Variants in ANK1 observed in about 807,000 individuals in gnomAD.
The protein encoded by ANK1 is ankyrin 1, also known as ankyrin-1.
Under a neutral mutation model 210.4 loss-of-function variants are expected in ANK1, and 51 were observed. That is an observed-to-expected ratio of 0.24 (90% CI 0.19 to 0.31). The LOEUF is 0.31. ANK1 is among the 10% of genes least tolerant of loss of function. ANK1 has a pLI of 1.00. For missense variants in ANK1, 2,051 were observed against 2,504.4 expected (o/e 0.82, Z 3.86); for synonymous variants, 967 against 1,025.9 (o/e 0.94, Z 1.10).
intron 1 of ANK1, among the ~76,000 whole-genome samples, chr8:41,850,593 G>T (rs533525057): frequency 6.6e-6 from 1 of 152,258 alleles, no homozygotes; most frequent in African/African-American, 2.4e-5. Context: ...TGATCCTCCC[G>T]CCTTAGCCTC....
At chr8:41,672,125 G>T (rs112430372) in intron 38 of ANK1, among the ~76,000 whole-genome samples, 3 of 152,306 alleles carry the variant, frequency 2.0e-5, no homozygotes, top group Admixed American at 6.5e-5. Flanking sequence ...GCTCCTCGGG[G>T]TCTCTCCTGC....
In ANK1 at chr8:41,684,663, C is replaced by T. The variant is rs1277418441; in HGVS notation, c.4418G>A (p.Ser1473Asn). 2.5e-6 allele frequency: 4 copies of T among 1,613,672 alleles called. No homozygotes were observed. The highest frequency in any genetic ancestry group is 1.7e-5 in the Admixed American group (1 of 60,004). Residue 1473 changes from serine (S) to asparagine (N), a missense_variant, in exon 37 of 43, where the codon AGC (serine) becomes AAC (asparagine). Transcript: ENST00000289734. ...GTTCACGATCTCGCCACGGTCAATG[C>T]TCTGCAGGGCTGTGTACAGATTCTC... ...NMENLYTALQ[S>N]IDRGEIVNML...
intron 1 of ANK1, among the ~76,000 whole-genome samples, chr8:41,838,128 T>A (rs923037928): frequency 2.6e-5 from 4 of 152,192 alleles, no homozygotes; most frequent in Admixed American, 6.5e-5. Context: ...ATTGAGCATT[T>A]TACATGCTCC....
chr8:41,741,319 G>A (rs1401080071), intron 2 of ANK1, among the ~76,000 whole-genome samples: 1 of 152,130 alleles, frequency 6.6e-6, no homozygotes, highest in Non-Finnish European at 1.5e-5. Flanking sequence ...CCTGGCTGTC[G>A]AGGGGGCCTC....
At position 41,695,350 on chromosome 8, in the gene ANK1, G is replaced by T. The variant is rs376626462; in HGVS notation, c.2961-19C>A. On this transcript the variant is annotated intron_variant, in intron 26 of 42. Coordinates refer to ENST00000289734, the MANE Select transcript of ANK1 (RefSeq NM_000037.4). ...TACAGGGCTGAGGCAAGGACACAGT[G>T]GTGGTGGGGAGGTGCTCATACAAGG... is the stretch of plus-strand genomic sequence containing the variant. 3.5e-5 allele frequency: 57 copies of T among 1,613,720 alleles called. No homozygotes were observed. The African/African-American group carries it at 6.8e-4, about 19-fold the overall frequency.
chr8:41,674,630 A>T (rs1813576624), intron 37 of ANK1, among the ~76,000 whole-genome samples: 1 of 152,168 alleles, frequency 6.6e-6, no homozygotes, highest in African/African-American at 2.4e-5. Flanking sequence ...AATTGCTAAC[A>T]TGTACCTGTG....
chr8:41,747,523 C>T (rs1836485013), intron 2 of ANK1, among the ~76,000 whole-genome samples: 1 of 152,142 alleles, frequency 6.6e-6, no homozygotes, highest in African/African-American at 2.4e-5. Flanking sequence ...ATCCCAAAGG[C>T]CTGAATTCTT....
At chr8:41,730,484 T>TTTG (rs1831914573) in intron 3 of ANK1, among the ~76,000 whole-genome samples, 1 of 151,588 alleles carries the variant, frequency 6.6e-6, no homozygotes, top group East Asian at 1.9e-4. Flanking sequence ...ATAAAGCCTG[T>TTTG]TTATGTTTTG....
At chr8:41,703,437 TATATATATATATA>T (rs1330947863) in intron 20 of ANK1, among the ~76,000 whole-genome samples, 1 of 71,694 alleles carries the variant, frequency 1.4e-5, no homozygotes, top group Non-Finnish European at 2.7e-5. Context: ...TATATATATA[TATATATATATATA>T]TTTTTTTTTT....
chr8:41,704,047 G>T lies in ANK1; in HGVS notation c.2289C>A (p.Val763=). ...LLKNGASPNE[V]SSDGTTPLAI... ...GGAGAGAGAGTGTACTCACCGAGCTGACCTCGTTTGGGGAAGCACCGTTTT... is the reference window on the plus strand; with the variant it reads ...GGAGAGAGAGTGTACTCACCGAGCTTACCTCGTTTGGGGAAGCACCGTTTT... The change falls in exon 20 of 43, where the codon GTC becomes GTA. Residue 763 remains valine (V), a synonymous_variant. Transcript: ENST00000289734. This position sits in a 1 kb window ranked among gnomAD's most constrained non-coding sequence, Gnocchi z 4.1. 1 of 1,613,976 alleles carries T rather than the reference G, an allele frequency of 6.2e-7. No individual in the cohort carries two copies. The highest frequency in any genetic ancestry group is 1.1e-5 in the South Asian group (1 of 91,052).
chr8:41,762,920 G>T (rs1166923122), intron 1 of ANK1, among the ~76,000 whole-genome samples: 2 of 152,294 alleles, frequency 1.3e-5, no homozygotes, highest in Admixed American at 1.3e-4. Context: ...AAGAAAAGAA[G>T]AATATTTATG....
At chr8:41,845,088 A>C (rs566968077) in intron 1 of ANK1, among the ~76,000 whole-genome samples, 2 of 152,242 alleles carry the variant, frequency 1.3e-5, no homozygotes, top group East Asian at 3.9e-4. Flanking sequence ...ATGTCACACA[A>C]AGACGTGAAT....
At chr8:41,670,777 C>T (rs1006670662) in intron 38 of ANK1, among the ~76,000 whole-genome samples, 2 of 152,190 alleles carry the variant, frequency 1.3e-5, no homozygotes, top group African/African-American at 4.8e-5. Flanking sequence ...GAACAGCTTT[C>T]CTTTACCTGA....
chr8:41,683,218 C>T (rs764357642), intron 37 of ANK1, among the ~76,000 whole-genome samples: 5 of 152,118 alleles, frequency 3.3e-5, no homozygotes, highest in African/African-American at 4.8e-5. Flanking sequence ...CTGCGCCTGC[C>T]GAAATGGGGA....
chr8:41,694,088 C>A lies in ANK1; in HGVS notation c.3342G>T (p.Pro1114=), dbSNP rs374102892. 30 of 1,613,772 alleles carry A rather than the reference C, an allele frequency of 1.9e-5. No homozygotes were observed. In the East Asian group the frequency reaches 4.7e-4, roughly 25 times the overall value. ...CCAGGAGCTTAGTGACAAGCTCATC[C>A]GGGACAGGCTGGGCCTGTGAAATGA... ...VKLALQAQPV[P]DELVTKLLGN... The change falls in exon 29 of 43, where the codon CCG becomes CCT. Residue 1114 remains proline (P), a synonymous_variant. Coordinates refer to ENST00000289734, the MANE Select transcript of ANK1 (RefSeq NM_000037.4). The surrounding 1 kb of genome is among the most constrained non-coding windows in gnomAD (Gnocchi z 5.7).
intron 37 of ANK1, among the ~76,000 whole-genome samples, chr8:41,684,273 A>C (rs929314101): frequency 1.1e-4 from 17 of 152,224 alleles, no homozygotes; most frequent in African/African-American, 4.1e-4. Flanking sequence ...GTGGGGACGC[A>C]GTTGCTGATG....
chr8:41,881,526 T>C (rs1563958272), intron 1 of ANK1, among the ~76,000 whole-genome samples: 1 of 152,244 alleles, frequency 6.6e-6, no homozygotes, highest in Non-Finnish European at 1.5e-5. Context: ...GATGCTATTT[T>C]ATCTTACTGT....
At chr8:41,669,646 C>G (rs1362539279) in intron 38 of ANK1, among the ~76,000 whole-genome samples, 2 of 152,274 alleles carry the variant, frequency 1.3e-5, no homozygotes, top group African/African-American at 4.8e-5. Flanking sequence ...GACACCACTG[C>G]CCTCCTTGAC....
chr8:41,695,422 G>C, intron 26 of ANK1, 91 bp from the exon 27 acceptor site: 1 of 1,577,552 alleles, frequency 6.3e-7, no homozygotes, highest in Non-Finnish European at 8.7e-7. Context: ...CCACCCAGAT[G>C]GATAAGGCAC....
Sources: gnomAD v4.1 joint callset for allele counts (sites outside exome capture counted in the v4.1 genomes callset) on GRCh38, gnomAD v4.1.1 for gene constraint, Gnocchi (gnomAD v3.1) non-coding constraint, MANE v1.5 for transcripts, NCBI Gene and HGNC (gene_info 2026-07-23, HGNC 2026-07-21) for gene names.